Variants in TAFA1 observed in about 807,000 individuals in gnomAD.
TAFA1 encodes the protein chemokine-like protein TAFA-1.
A neutral mutation model predicts 18.5 loss-of-function variants in TAFA1; 4 were observed. That is an observed-to-expected ratio of 0.22 (90% CI 0.11 to 0.49). The LOEUF is 0.49. Ranked by LOEUF, TAFA1 falls within the 20% of genes least tolerant of loss-of-function variation. TAFA1 has a pLI of 0.98. For synonymous variants in TAFA1, 56 were observed against 55.2 expected, an observed-to-expected ratio of 1.01 and a Z score of -0.06; for missense variants, 147 against 169.0, an observed-to-expected ratio of 0.87 and a Z score of 0.72.
chr3:68,045,129 G>T (rs1403408222), intron 2 of TAFA1, among the ~76,000 whole-genome samples: 1 of 152,040 alleles, frequency 6.6e-6, no homozygotes, highest in East Asian at 1.9e-4. Flanking sequence ...CTGAGGTCTG[G>T]GTCTGCTCCT....
chr3:68,149,914 G>T (rs1039820668), intron 2 of TAFA1, among the ~76,000 whole-genome samples: 6 of 152,104 alleles, frequency 3.9e-5, no homozygotes, highest in African/African-American at 1.2e-4. Flanking sequence ...TGGAGCTGGG[G>T]GCTGGGTTGT....
chr3:68,330,975 A>C (rs556648924), intron 2 of TAFA1, among the ~76,000 whole-genome samples: 1 of 152,182 alleles, frequency 6.6e-6, no homozygotes, highest in East Asian at 1.9e-4. Flanking sequence ...TTCAAACAAA[A>C]ATTTTTACAG....
chr3:68,170,167 TC>T (rs2066034884), intron 2 of TAFA1, among the ~76,000 whole-genome samples: 1 of 152,170 alleles, frequency 6.6e-6, no homozygotes, highest in Non-Finnish European at 1.5e-5. Context: ...TGTCCTCAGA[TC>T]TGCAGTATCC....
At chr3:68,093,231 TG>T (rs1226296966) in intron 2 of TAFA1, among the ~76,000 whole-genome samples, 1 of 152,140 alleles carries the variant, frequency 6.6e-6, no homozygotes, top group Non-Finnish European at 1.5e-5. Flanking sequence ...GCCTGGTCAC[TG>T]AGCCTCTTTC....
In TAFA1 at chr3:68,507,299, G is replaced by C. The variant is rs570995804; in HGVS notation, c.260-31457G>C. On this transcript the variant is annotated intron_variant, in intron 3 of 4. Coordinates refer to ENST00000478136, the MANE Select transcript of TAFA1 (RefSeq NM_213609.4). ...AAGCAAATAGAAAACATAGACTAAT[G>C]GAGAACCATGATGAGACAGGATAGG... Among the ~76,000 whole-genome samples the C allele has an allele frequency of 1.5e-3, 232 of 151,942 alleles. 1 individual carries two copies. Among genetic ancestry groups the C allele is most frequent in the Non-Finnish European group, 2.8e-3 (191 of 67,956 alleles).
chr3:68,250,332 C>T lies in TAFA1; in HGVS notation c.119-166948C>T, dbSNP rs566197493. Among the ~76,000 whole-genome samples the T allele has an allele frequency of 3.3e-5, 5 of 152,196 alleles. No homozygotes were observed. The Middle Eastern group carries it at 0.01, about 313-fold the overall frequency. ...GACAGTCTCAGAACTGATCTTATAG[C>T]GTAAGATTATAGAATGAGCTTATCA... On this transcript the variant is annotated intron_variant, in intron 2 of 4. Transcript: ENST00000478136.
intron 3 of TAFA1, among the ~76,000 whole-genome samples, chr3:68,472,436 A>G (rs2106950862): frequency 6.6e-6 from 1 of 152,172 alleles, no homozygotes. Flanking sequence ...TAACAGCATA[A>G]GAATGGACTA....
At chr3:68,090,094 C>G (rs529728094) in intron 2 of TAFA1, among the ~76,000 whole-genome samples, 2 of 152,282 alleles carry the variant, frequency 1.3e-5, no homozygotes, top group African/African-American at 4.8e-5. Context: ...TGAAGAGCAA[C>G]TAATGTTAGC....
intron 3 of TAFA1, among the ~76,000 whole-genome samples, chr3:68,517,293 T>C (rs1374687056): frequency 2.6e-5 from 4 of 152,248 alleles, no homozygotes; most frequent in African/African-American, 7.2e-5. Context: ...GAGAATGTAA[T>C]ACCAGTTTTC....
At chr3:68,078,449 G>C (rs2064854800) in intron 2 of TAFA1, among the ~76,000 whole-genome samples, 1 of 152,138 alleles carries the variant, frequency 6.6e-6, no homozygotes, top group Non-Finnish European at 1.5e-5. Flanking sequence ...CTGTGGGTTT[G>C]TCATAGATAG....
At chr3:68,471,218 A>G (rs977450766) in intron 3 of TAFA1, among the ~76,000 whole-genome samples, 1 of 152,204 alleles carries the variant, frequency 6.6e-6, no homozygotes, top group East Asian at 1.9e-4. Flanking sequence ...GTCCAGGCAG[A>G]AGTTTGCTGC....
At chr3:68,040,468 A>G (rs1174763744) in intron 2 of TAFA1, among the ~76,000 whole-genome samples, 1 of 152,168 alleles carries the variant, frequency 6.6e-6, no homozygotes, top group African/African-American at 2.4e-5. Context: ...ATGACTCTGA[A>G]GCTCTAATGT....
At chr3:68,340,212 C>G in intron 2 of TAFA1, among the ~76,000 whole-genome samples, 1 of 152,162 alleles carries the variant, frequency 6.6e-6, no homozygotes, top group East Asian at 1.9e-4. Context: ...CACAGCCTAT[C>G]ATTTGTTACC....
chr3:68,491,189 G>A (rs1166620510), intron 3 of TAFA1, among the ~76,000 whole-genome samples: 5 of 152,058 alleles, frequency 3.3e-5, no homozygotes, highest in Non-Finnish European at 7.4e-5. Flanking sequence ...CCATTACTGG[G>A]TATATACCCA....
At position 68,463,598 on chromosome 3, in the gene TAFA1, G is replaced by T. The variant is rs542290127; in HGVS notation, c.259+46178G>T. Among the ~76,000 whole-genome samples the T allele has an allele frequency of 6.8e-4, 103 of 152,146 alleles. No homozygotes were observed. In the Middle Eastern group the frequency reaches 0.01, roughly 15 times the overall value. ...TAAACTCCCTTTCCATGTCCACAAT[G>T]AATCTTGATCCATGTCCTGTGTTCC... On this transcript the variant is annotated intron_variant, in intron 3 of 4. Coordinates refer to ENST00000478136, the MANE Select transcript of TAFA1 (RefSeq NM_213609.4).
At chr3:68,409,155 A>G (rs2070666378) in intron 2 of TAFA1, among the ~76,000 whole-genome samples, 2 of 152,138 alleles carry the variant, frequency 1.3e-5, no homozygotes, top group African/African-American at 4.8e-5. Context: ...TTAGGCTTAT[A>G]TTCCCTGTCT....
At chr3:68,356,869 A>T (rs2069376141) in intron 2 of TAFA1, among the ~76,000 whole-genome samples, 1 of 151,938 alleles carries the variant, frequency 6.6e-6, no homozygotes, top group African/African-American at 2.4e-5. Flanking sequence ...TGGGTGAAGA[A>T]GTTTTGAAAA....
At chr3:68,542,832 G>A (rs191008826) in intron 4 of TAFA1, among the ~76,000 whole-genome samples, 34 of 152,272 alleles carry the variant, frequency 2.2e-4, no homozygotes, top group African/African-American at 7.7e-4. Flanking sequence ...GAAGGGGGTA[G>A]AGGAAGAGCC....
At chr3:68,377,495 G>T (rs150207018) in intron 2 of TAFA1, among the ~76,000 whole-genome samples, 374 of 152,234 alleles carry the variant, frequency 2.5e-3, no homozygotes, top group African/African-American at 8.6e-3. Context: ...TCTGAAATTG[G>T]AATTTATGTT....
Sources: gnomAD v4.1 joint callset for allele counts (sites outside exome capture counted in the v4.1 genomes callset) on GRCh38, gnomAD v4.1.1 for gene constraint, MANE v1.5 for transcripts, NCBI Gene and HGNC (gene_info 2026-07-23, HGNC 2026-07-21) for gene names.